Variants in CTNNA2 observed in about 807,000 individuals in gnomAD.
CTNNA2 encodes catenin alpha 2.
CTNNA2 carries 42 observed loss-of-function variants against 101.0 expected under a neutral mutation model. The observed-to-expected ratio is 0.42, with a 90% CI of 0.32 to 0.54. The LOEUF (loss-of-function observed/expected upper bound fraction) is 0.54. Ranked by LOEUF, CTNNA2 falls within the 20% of genes least tolerant of loss-of-function variation. CTNNA2 has a pLI of 0.14. For missense variants in CTNNA2, 871 were observed against 1,223.1 expected (o/e 0.71, Z 4.29); for synonymous variants, 450 against 456.4 (o/e 0.99, Z 0.18).
At chr2:79,946,249 C>G (rs544690996) in intron 7 of CTNNA2, among the ~76,000 whole-genome samples, 1 of 152,196 alleles carries the variant, frequency 6.6e-6, no homozygotes, top group South Asian at 2.1e-4. Context: ...TGACTCTATC[C>G]TATCAGACTG....
chr2:80,500,582 C>T (rs1373782851), intron 9 of CTNNA2, among the ~76,000 whole-genome samples: 2 of 152,172 alleles, frequency 1.3e-5, no homozygotes, highest in African/African-American at 2.4e-5. Flanking sequence ...AATTATCTGT[C>T]GTTCAGAGAT....
At chr2:79,347,396 ATGAAGATAATAATAGTACTTTACT>A (rs1215871697) in intron 3 of CTNNA2, among the ~76,000 whole-genome samples, 1 of 152,234 alleles carries the variant, frequency 6.6e-6, no homozygotes, top group Non-Finnish European at 1.5e-5. Context: ...TCAAGGTTAA[ATGAAGATAATAATAGTACTTTACT>A]TAAAGGGTTG....
chr2:80,510,304 G>C (rs867945044), intron 9 of CTNNA2, among the ~76,000 whole-genome samples: 1 of 152,110 alleles, frequency 6.6e-6, no homozygotes, highest in Non-Finnish European at 1.5e-5. Context: ...ATCTCATGAA[G>C]CTACTTCCTT....
intron 17 of CTNNA2, among the ~76,000 whole-genome samples, chr2:80,610,856 A>G (rs1334865438): frequency 6.6e-6 from 1 of 151,738 alleles, no homozygotes; most frequent in East Asian, 2.0e-4. Flanking sequence ...AGATAATTCA[A>G]CAGGTCACGG....
At chr2:80,080,859 T>C (rs905733081) in intron 7 of CTNNA2, among the ~76,000 whole-genome samples, 6 of 148,686 alleles carry the variant, frequency 4.0e-5, no homozygotes, top group Non-Finnish European at 8.9e-5. Flanking sequence ...TGTATTATAA[T>C]TAAAATCTCC....
At chr2:79,676,394 C>T (rs935391512) in intron 2 of CTNNA2, among the ~76,000 whole-genome samples, 2 of 152,064 alleles carry the variant, frequency 1.3e-5, no homozygotes, top group Admixed American at 6.6e-5. Context: ...TCCCTGGACT[C>T]GGACACTTAC....
intron 7 of CTNNA2, among the ~76,000 whole-genome samples, chr2:80,213,615 A>G (rs1216255685): frequency 6.6e-6 from 1 of 152,146 alleles, no homozygotes; most frequent in Admixed American, 6.5e-5. Flanking sequence ...ACATTTGCTG[A>G]GGAGTGCTTT....
chr2:80,089,057 C>T (rs1443560744), intron 7 of CTNNA2, among the ~76,000 whole-genome samples: 1 of 151,924 alleles, frequency 6.6e-6, no homozygotes, highest in Non-Finnish European at 1.5e-5. Context: ...AACATTCATG[C>T]GTGGAAGACC....
At chr2:79,390,427 T>G (rs1203815842) in intron 4 of CTNNA2, among the ~76,000 whole-genome samples, 2 of 152,190 alleles carry the variant, frequency 1.3e-5, no homozygotes, top group Admixed American at 6.5e-5. Flanking sequence ...ATTAGAATTT[T>G]CTTCTCTTTC....
At chr2:79,336,672 C>T (rs1193684571) in intron 3 of CTNNA2, among the ~76,000 whole-genome samples, 1 of 152,080 alleles carries the variant, frequency 6.6e-6, no homozygotes, top group Non-Finnish European at 1.5e-5. Context: ...AGGTGGGATC[C>T]CCAATTGTGT....
chr2:79,314,970 G>T (rs1308758464), intron 3 of CTNNA2, among the ~76,000 whole-genome samples: 1 of 152,174 alleles, frequency 6.6e-6, no homozygotes, highest in Non-Finnish European at 1.5e-5. Context: ...TTTGGAAAAT[G>T]GAAATGAATT....
chr2:79,622,730 C>G (rs1679072884), intron 1 of CTNNA2, among the ~76,000 whole-genome samples: 1 of 152,252 alleles, frequency 6.6e-6, no homozygotes, highest in Non-Finnish European at 1.5e-5. Context: ...CTTAGCCATT[C>G]CCTCTGGCCT....
chr2:79,263,044 ATAGAG>A (rs1674943884), intron 2 of CTNNA2, among the ~76,000 whole-genome samples: 1 of 152,220 alleles, frequency 6.6e-6, no homozygotes, highest in African/African-American at 2.4e-5. Context: ...CACTTCAGTC[ATAGAG>A]TAGTCTATAA....
chr2:79,670,369 C>G (rs1451959598), intron 2 of CTNNA2, among the ~76,000 whole-genome samples: 1 of 152,142 alleles, frequency 6.6e-6, no homozygotes, highest in African/African-American at 2.4e-5. Context: ...CTGGGTAGGG[C>G]TCCTGACTGC....
chr2:79,260,350 A>G (rs1005196963), intron 2 of CTNNA2, among the ~76,000 whole-genome samples: 1 of 152,128 alleles, frequency 6.6e-6, no homozygotes, highest in Admixed American at 6.5e-5. Flanking sequence ...TGTAAAATCA[A>G]TGGGTGCTGT....
intron 1 of CTNNA2, among the ~76,000 whole-genome samples, chr2:79,601,187 A>G (rs1677531504): frequency 6.6e-6 from 1 of 152,236 alleles, no homozygotes; most frequent in African/African-American, 2.4e-5. Flanking sequence ...GTACATTTCC[A>G]GGAGGTACGT....
intron 6 of CTNNA2, among the ~76,000 whole-genome samples, chr2:79,879,918 T>C (rs1015652492): frequency 6.6e-6 from 1 of 152,154 alleles, no homozygotes; most frequent in Admixed American, 6.5e-5. Flanking sequence ...GGAATGCTTC[T>C]TGCTTTTGCC....
At chr2:79,235,276 C>T (rs1558582148) in intron 2 of CTNNA2, among the ~76,000 whole-genome samples, 1 of 152,160 alleles carries the variant, frequency 6.6e-6, no homozygotes, top group Non-Finnish European at 1.5e-5. Flanking sequence ...TTAGTTTTCC[C>T]AGGCACTGTA....
At chr2:79,991,179 G>T (rs1032820973) in intron 7 of CTNNA2, among the ~76,000 whole-genome samples, 2 of 151,610 alleles carry the variant, frequency 1.3e-5, no homozygotes, top group African/African-American at 4.9e-5. Flanking sequence ...TTCTTTATTA[G>T]TCTTGCTAGC....
Sources: gnomAD v4.1 joint callset for allele counts (sites outside exome capture counted in the v4.1 genomes callset) on GRCh38, gnomAD v4.1.1 for gene constraint, MANE v1.5 for transcripts, NCBI Gene and HGNC (gene_info 2026-07-23, HGNC 2026-07-21) for gene names.